The following ADGRL3 variants were observed in gnomAD, a reference collection of about 807,000 sequenced individuals.
ADGRL3 encodes adhesion G protein-coupled receptor L3.
In ADGRL3, 62 loss-of-function variants were observed where a neutral mutation model predicts 153.5. The observed-to-expected ratio is 0.40, with a 90% confidence interval of 0.33 to 0.50. The LOEUF is 0.50. Ranked by LOEUF, ADGRL3 falls within the 20% of genes least tolerant of loss-of-function variation. The probability of loss-of-function intolerance (pLI) is 0.47; values close to 1 mark genes in which losing one functional copy is unlikely to be tolerated. For missense variants in ADGRL3, 1,641 were observed against 1,859.4 expected, an observed-to-expected ratio of 0.88 and a Z score of 2.16; for synonymous variants, 710 against 672.5, an observed-to-expected ratio of 1.06 and a Z score of -0.86.
intron 1 of ADGRL3, among the ~76,000 whole-genome samples, chr4:61,359,196 C>T (rs1368569657): frequency 6.6e-6 from 1 of 152,050 alleles, no homozygotes; most frequent in Non-Finnish European, 1.5e-5. Context: ...AACCAAACGA[C>T]CCTCATTACT....
chr4:61,380,682 A>G (rs1023363177), intron 1 of ADGRL3, among the ~76,000 whole-genome samples: 9 of 151,990 alleles, frequency 5.9e-5, no homozygotes, highest in African/African-American at 1.7e-4. Context: ...GTCGCTTTCG[A>G]ACGATATGGA....
Position 61,476,874 on chromosome 4 carries a change from C to T in ADGRL3, c.-173-20247C>T, listed in dbSNP as rs148341936. ...ACAAACATGAGCCATGGAGCCTGGCCGGCAATGACTCTTGTTAGGACTTTT... is the reference window on the plus strand; with the variant it reads ...ACAAACATGAGCCATGGAGCCTGGCTGGCAATGACTCTTGTTAGGACTTTT... On this transcript the variant is annotated intron_variant, in intron 2 of 26. Transcript: ENST00000683033. 3.4e-4 allele frequency among the ~76,000 whole-genome samples: 51 copies of T among 151,876 alleles called. 1 individual carries two copies. Among genetic ancestry groups the T allele is most frequent in the East Asian group, 2.7e-3 (14 of 5,156 alleles).
intron 2 of ADGRL3, among the ~76,000 whole-genome samples, chr4:61,431,453 T>C (rs1178305447): frequency 6.6e-6 from 1 of 152,204 alleles, no homozygotes. Flanking sequence ...ACTCTTCTTT[T>C]AAAGAGTGAT....
intron 6 of ADGRL3, among the ~76,000 whole-genome samples, chr4:61,703,019 GT>G (rs2095796120): frequency 1.3e-5 from 2 of 151,980 alleles, no homozygotes; most frequent in African/African-American, 2.4e-5. Context: ...TCACTGTGAT[GT>G]TTTTTAAACA....
chr4:61,550,332 T>G (rs1429021143), intron 4 of ADGRL3, among the ~76,000 whole-genome samples: 1 of 152,048 alleles, frequency 6.6e-6, no homozygotes, highest in Non-Finnish European at 1.5e-5. Context: ...AGATGTTGTT[T>G]TAAAAGGCAA....
intron 5 of ADGRL3, among the ~76,000 whole-genome samples, chr4:61,600,998 A>AT (rs1001467012): frequency 2.0e-5 from 3 of 149,316 alleles, no homozygotes; most frequent in Non-Finnish European, 2.9e-5. Flanking sequence ...AATTGGGGGC[A>AT]TTTTTTTTAT....
intron 6 of ADGRL3, among the ~76,000 whole-genome samples, chr4:61,677,799 G>A (rs143196631): frequency 2.3e-4 from 35 of 152,050 alleles, no homozygotes; most frequent in South Asian, 4.1e-4. Flanking sequence ...GCAAGTTTGC[G>A]TTTGTAAAGA....
chr4:61,712,436 A>G (rs1040358128), intron 6 of ADGRL3, among the ~76,000 whole-genome samples: 2 of 152,098 alleles, frequency 1.3e-5, no homozygotes, highest in Non-Finnish European at 2.9e-5. Context: ...GCAATCTACA[A>G]ATGTGAATTG....
At chr4:61,204,545 A>G (rs907129247) in intron 1 of ADGRL3, among the ~76,000 whole-genome samples, 1 of 152,152 alleles carries the variant, frequency 6.6e-6, no homozygotes, top group Non-Finnish European at 1.5e-5. Flanking sequence ...TCCTGATGTC[A>G]TTAGAACTGT....
Position 62,073,983 on chromosome 4 carries a change from T to G in ADGRL3, c.*3075T>G, listed in dbSNP as rs1041027033. The G allele has an allele frequency of 3.9e-5, 6 of 152,158 alleles. No homozygotes were observed. The highest frequency in any genetic ancestry group is 1.9e-4 in the East Asian group (1 of 5,190). The allele number at this position is 152,158 out of a possible 1,614,324, so 9.4% of individuals were successfully genotyped here. On this transcript the variant is annotated 3_prime_UTR_variant, in exon 27 of 27. Coordinates refer to ENST00000683033, the MANE Select transcript of ADGRL3 (RefSeq NM_001387552.1). ...AGAAATTTGCATATATCTAACATAT[T>G]CATTTTGTCCTGTTTACACTAGCAA...
chr4:61,878,796 G>T lies in ADGRL3; in HGVS notation c.1481-13860G>T, dbSNP rs113871274. Among the ~76,000 whole-genome samples the T allele has an allele frequency of 8.0e-3, 1,212 of 152,274 alleles. 21 individuals carry two copies. The highest frequency in any genetic ancestry group is 0.028 in the African/African-American group (1,161 of 41,570). ...GTGCTTTTGGGGTAAAATTTGGTCT[G>T]CAGAGTCTTACATAAATTTTTTACA... On this transcript the variant is annotated intron_variant, in intron 9 of 26. Transcript: ENST00000683033.
At chr4:61,322,284 G>A (rs1346529653) in intron 1 of ADGRL3, among the ~76,000 whole-genome samples, 1 of 152,172 alleles carries the variant, frequency 6.6e-6, no homozygotes, top group African/African-American at 2.4e-5. Context: ...GGAATCATGG[G>A]AGATACAAGA....
intron 2 of ADGRL3, among the ~76,000 whole-genome samples, chr4:61,492,677 G>A (rs377742530): frequency 2.0e-5 from 3 of 152,094 alleles, no homozygotes; most frequent in East Asian, 3.9e-4. Flanking sequence ...TTTGTTGAAA[G>A]GAATAACAAA....
intron 16 of ADGRL3, among the ~76,000 whole-genome samples, 188 bp downstream of exon 16, chr4:61,947,310 G>T (rs2098929243): frequency 6.6e-6 from 1 of 152,088 alleles, no homozygotes; most frequent in Admixed American, 6.5e-5. Flanking sequence ...CCTTATATAT[G>T]TAAATACTTA....
intron 25 of ADGRL3, among the ~76,000 whole-genome samples, chr4:62,052,915 T>C (rs546129587): frequency 6.6e-6 from 1 of 151,458 alleles, no homozygotes; most frequent in Non-Finnish European, 1.5e-5. Flanking sequence ...AGTGATAATA[T>C]TATAAATTAA....
At chr4:61,954,575 A>G (rs2098959056) in intron 17 of ADGRL3, among the ~76,000 whole-genome samples, 1 of 151,926 alleles carries the variant, frequency 6.6e-6, no homozygotes, top group South Asian at 2.1e-4. Flanking sequence ...AAAATCTCAA[A>G]TCTTGGCCCG....
At chr4:61,215,570 G>C (rs78864227) in intron 1 of ADGRL3, among the ~76,000 whole-genome samples, 1 of 34,316 alleles carries the variant, frequency 2.9e-5, no homozygotes, top group Non-Finnish European at 5.4e-5. Context: ...TTTTTTTTTT[G>C]AGATGGAGTC....
At chr4:61,920,963 C>T (rs754875515) in intron 13 of ADGRL3, among the ~76,000 whole-genome samples, 8 of 152,024 alleles carry the variant, frequency 5.3e-5, no homozygotes, top group African/African-American at 1.7e-4. Context: ...TCAGATGCAA[C>T]GAAAATGCTT....
intron 9 of ADGRL3, among the ~76,000 whole-genome samples, chr4:61,826,591 T>C (rs1352028943): frequency 1.3e-5 from 2 of 152,158 alleles, no homozygotes; most frequent in African/African-American, 4.8e-5. Context: ...TTGTAAGACG[T>C]GAAGGAAGTT....
Sources: gnomAD v4.1 joint callset for allele counts (sites outside exome capture counted in the v4.1 genomes callset) on GRCh38, gnomAD v4.1.1 for gene constraint, MANE v1.5 for transcripts, NCBI Gene and HGNC (gene_info 2026-07-23, HGNC 2026-07-21) for gene names.